NOS1: variants seen among roughly 807,000 people sequenced by gnomAD.
NOS1 encodes the protein nitric oxide synthase 1.
NOS1 carries 51 observed loss-of-function variants against 164.5 expected under a neutral mutation model. The ratio of observed to expected loss-of-function variants is 0.31; its 90% CI spans 0.25 to 0.39. The LOEUF is 0.39. Ranked by LOEUF, NOS1 falls within the 10% of genes least tolerant of loss-of-function variation. The pLI, the probability that NOS1 is intolerant of heterozygous loss-of-function variation, is 1.00. For synonymous variants in NOS1, 719 were observed against 745.8 expected, an observed-to-expected ratio of 0.96 and a Z score of 0.59; for missense variants, 1,362 against 1,885.6, an observed-to-expected ratio of 0.72 and a Z score of 5.14.
chr12:117,284,106 GGAAGA>G (rs1049439275), intron 7 of NOS1, among the ~76,000 whole-genome samples: 1 of 152,106 alleles, frequency 6.6e-6, no homozygotes, highest in Non-Finnish European at 1.5e-5. Context: ...TCCTTCTTAC[GGAAGA>G]GAAGAGACAC....
At chr12:117,339,924 G>A (rs762923054) in intron 1 of NOS1, among the ~76,000 whole-genome samples, 15 of 152,212 alleles carry the variant, frequency 9.9e-5, no homozygotes, top group Admixed American at 6.5e-5. Context: ...TTACTTCTAG[G>A]AAAGGGGGCT....
intron 3 of NOS1, chr12:117,309,343 C>A: frequency 2.0e-6 from 2 of 985,276 alleles, no homozygotes; most frequent in Non-Finnish European, 2.4e-6. Context: ...TCCTTATCTT[C>A]CTGGCCAGCC....
chr12:117,290,810 G>A (rs1198285211), intron 3 of NOS1, among the ~76,000 whole-genome samples: 1 of 152,096 alleles, frequency 6.6e-6, no homozygotes, highest in South Asian at 2.1e-4. Flanking sequence ...CCCCAGCACC[G>A]AGGAATCAAA....
At chr12:117,228,188 G>A (rs537780651) in intron 22 of NOS1, among the ~76,000 whole-genome samples, 1 of 152,298 alleles carries the variant, frequency 6.6e-6, no homozygotes, top group South Asian at 2.1e-4. Context: ...TCTGTGCTAA[G>A]TTTTGATTCT....
intron 23 of NOS1, 99 bp downstream of exon 23, chr12:117,227,332 G>A (rs1213302707): frequency 2.3e-5 from 26 of 1,127,010 alleles, no homozygotes; most frequent in Non-Finnish European, 7.8e-6. Context: ...TCTTCCCAGG[G>A]ATTTGGGATT....
In NOS1 at chr12:117,214,529, G is replaced by C. The variant is rs565038304; in HGVS notation, c.*780C>G. The C allele has an allele frequency of 1.3e-5, 13 of 985,378 alleles. No individual in the cohort carries two copies. In the South Asian group the frequency reaches 1.9e-4, roughly 14 times the overall value. 61.0% of individuals were successfully genotyped at this position (985,378 alleles called of 1,614,324 possible). ...ATTGGATGGGTTCATGTCACATGAG[G>C]GCTCTGCTCACTGGTATCAAAATCT... On this transcript the variant is annotated 3_prime_UTR_variant, in exon 29 of 29. Transcript: ENST00000317775.
Position 117,214,372 on chromosome 12 carries a change from G to T in NOS1, c.*937C>A, listed in dbSNP as rs555014161. 1.3e-5 allele frequency: 13 copies of T among 985,214 alleles called. No individual in the cohort carries two copies. Among genetic ancestry groups the T allele is most frequent in the Non-Finnish European group, 1.6e-5 (13 of 829,918 alleles). The allele number at this position is 985,214 out of a possible 1,614,324, so 61.0% of individuals were successfully genotyped here. On this transcript the variant is annotated 3_prime_UTR_variant, in exon 29 of 29. Transcript: ENST00000317775. ...GTGGGAAGATCCTTATTGCCACCAG[G>T]CTTCTTTGAACAACATAACTTCCAG...
intron 7 of NOS1, among the ~76,000 whole-genome samples, chr12:117,283,035 AT>A: frequency 7.7e-6 from 1 of 129,050 alleles, no homozygotes; most frequent in Non-Finnish European, 1.5e-5. Context: ...TTCCTATAAC[AT>A]TATATATATA....
In NOS1 at chr12:117,209,330, T is replaced by A; in HGVS notation, c.*5979A>T. 1 of 965,482 alleles carries A rather than the reference T, an allele frequency of 1.0e-6. No homozygotes were observed. Among genetic ancestry groups the A allele is most frequent in the Non-Finnish European group, 1.2e-6 (1 of 811,806 alleles). The allele number at this position is 965,482 out of a possible 1,614,324, so 59.8% of individuals were successfully genotyped here. ...ATGGAGGCCAGGAATGCTGCTCAGC[T>A]TCCTACAGTACCCAAGACGGCCCCC... is the stretch of plus-strand genomic sequence containing the variant. On this transcript the variant is annotated 3_prime_UTR_variant, in exon 29 of 29. Coordinates refer to ENST00000317775, the MANE Select transcript of NOS1 (RefSeq NM_000620.5).
At chr12:117,304,939 T>G in intron 3 of NOS1, 1 of 898,604 alleles carries the variant, frequency 1.1e-6, no homozygotes. Context: ...TAGGAAGTTC[T>G]TCCTCATGTC....
chr12:117,344,559 CAGT>C (rs1404055240), intron 1 of NOS1, among the ~76,000 whole-genome samples: 1 of 152,154 alleles, frequency 6.6e-6, no homozygotes, highest in Admixed American at 6.5e-5. Context: ...CAGCTAGTGT[CAGT>C]GGTGGGGACT....
chr12:117,358,182 T>C (rs1016536792), intron 1 of NOS1, among the ~76,000 whole-genome samples: 3 of 152,218 alleles, frequency 2.0e-5, no homozygotes, highest in Non-Finnish European at 4.4e-5. Context: ...TGCAGGCGAA[T>C]TGACCTCCAA....
chr12:117,234,727 T>C lies in NOS1; in HGVS notation c.3073A>G (p.Asn1025Asp). ...TGGTACTGCAGCTCCTGGCTCCCGT[T>C]GGTGTGGAGACGCACGAAGATAGTT... is the stretch of plus-strand genomic sequence containing the variant. The part of the protein sequence containing the change: ...RSTIFVRLHT[N>D]GSQELQYQPG... The change falls in exon 21 of 29, where the codon AAC (asparagine) becomes GAC (aspartate). Residue 1025 changes from asparagine to aspartate, a missense_variant. Coordinates refer to ENST00000317775, the MANE Select transcript of NOS1 (RefSeq NM_000620.5). This position sits in a 1 kb window ranked among gnomAD's most constrained non-coding sequence, Gnocchi z 4.3. 1 of 1,613,534 alleles carries C rather than the reference T, an allele frequency of 6.2e-7. No individual in the cohort carries two copies. Among genetic ancestry groups the C allele is most frequent in the Non-Finnish European group, 8.5e-7 (1 of 1,179,694 alleles).
At chr12:117,331,722 T>G (rs1354947102) in intron 1 of NOS1, among the ~76,000 whole-genome samples, 1 of 152,204 alleles carries the variant, frequency 6.6e-6, no homozygotes, top group Admixed American at 6.5e-5. Context: ...CAAAGCCCTC[T>G]GGGACAAAAG....
At chr12:117,296,653 A>ACTC (rs1049132255) in intron 3 of NOS1, among the ~76,000 whole-genome samples, 10 of 39,304 alleles carry the variant, frequency 2.5e-4, no homozygotes, top group Non-Finnish European at 4.5e-4. Context: ...TCCTTAATAA[A>ACTC]CTCTTTATAT....
At chr12:117,295,562 C>T (rs539127881) in intron 3 of NOS1, among the ~76,000 whole-genome samples, 6 of 151,494 alleles carry the variant, frequency 4.0e-5, no homozygotes, top group Admixed American at 2.0e-4. Context: ...TGGCTGACCC[C>T]GATCACTGCG....
intron 18 of NOS1, among the ~76,000 whole-genome samples, chr12:117,246,584 A>AC (rs1269159545): frequency 2.0e-5 from 3 of 150,962 alleles, no homozygotes; most frequent in African/African-American, 4.9e-5. Context: ...CATTCTCATC[A>AC]CCCCCCCAAC....
At chr12:117,335,733 A>AGAGAGAGAGAGAGAGAGAGAGAGAGC (rs1875780931) in intron 1 of NOS1, among the ~76,000 whole-genome samples, 1 of 60,002 alleles carries the variant, frequency 1.7e-5, no homozygotes. Flanking sequence ...ACTATATGAG[A>AGAGAGAGAGAGAGAGAGAGAGAGAGC]GAGAGAGAGA....
At chr12:117,352,377 A>G (rs1876663664) in intron 1 of NOS1, among the ~76,000 whole-genome samples, 1 of 152,138 alleles carries the variant, frequency 6.6e-6, no homozygotes, top group Non-Finnish European at 1.5e-5. Context: ...CGCCTGGGCT[A>G]TACCGCCAGC....
Sources: gnomAD v4.1 joint callset for allele counts (sites outside exome capture counted in the v4.1 genomes callset) on GRCh38, gnomAD v4.1.1 for gene constraint, Gnocchi (gnomAD v3.1) non-coding constraint, MANE v1.5 for transcripts, NCBI Gene and HGNC (gene_info 2026-07-23, HGNC 2026-07-21) for gene names.